HECTD4: variants seen among roughly 807,000 people sequenced by gnomAD.
HECTD4 encodes HECT domain E3 ubiquitin protein ligase 4.
Under a neutral mutation model 471.5 loss-of-function variants are expected in HECTD4, and 114 were observed. The ratio of observed to expected loss-of-function variants is 0.24; its 90% confidence interval spans 0.21 to 0.28. HECTD4 has a LOEUF of 0.28. Among genes scored for constraint, HECTD4 ranks in the 10% least tolerant of loss-of-function variants. The pLI is 1.00. For synonymous variants in HECTD4, 2,012 were observed against 2,256.0 expected, an observed-to-expected ratio of 0.89 and a Z score of 3.07; for missense variants, 3,866 against 5,651.5, an observed-to-expected ratio of 0.68 and a Z score of 10.13.
chr12:112,345,970 A>C (rs2135731475), intron 1 of HECTD4, among the ~76,000 whole-genome samples: 1 of 152,346 alleles, frequency 6.6e-6, no homozygotes, highest in South Asian at 2.1e-4. Context: ...ATGGCTCAAG[A>C]ACTCACAGGA....
intron 1 of HECTD4, among the ~76,000 whole-genome samples, chr12:112,348,803 A>G (rs1260935687): frequency 1.3e-5 from 2 of 152,158 alleles, no homozygotes; most frequent in African/African-American, 4.8e-5. Flanking sequence ...ATAAATAAAT[A>G]AAAGTGCATG....
intron 2 of HECTD4, among the ~76,000 whole-genome samples, chr12:112,317,218 T>C (rs1339609934): frequency 6.6e-6 from 1 of 152,240 alleles, no homozygotes; most frequent in African/African-American, 2.4e-5. Context: ...GGAAACTTGT[T>C]TCAGTACCAC....
chr12:112,173,490 C>T lies in HECTD4; in HGVS notation c.11595-629G>A, dbSNP rs753342454. ...CTGCAAGCTCTGCCTCCTGGGTTCA[C>T]GCCATTCTTCTGCCTCAGCCTCCTG... On this transcript the variant is annotated intron_variant, in intron 66 of 75. Coordinates refer to ENST00000682272, the MANE Select transcript of HECTD4 (RefSeq NM_001388303.1). This position sits in a 1 kb window ranked among gnomAD's most constrained non-coding sequence, Gnocchi z 4.3. Among the ~76,000 whole-genome samples, 16 of 151,724 alleles carry T rather than the reference C, an allele frequency of 1.1e-4. No individual in the cohort carries two copies. The highest frequency in any genetic ancestry group is 1.9e-4 in the East Asian group (1 of 5,152).
chr12:112,323,815 C>T (rs1050030489), intron 1 of HECTD4, among the ~76,000 whole-genome samples: 2 of 151,310 alleles, frequency 1.3e-5, no homozygotes, highest in African/African-American at 4.9e-5. Flanking sequence ...GACTGTATAA[C>T]TTTAAAGATT....
At chr12:112,346,096 C>T (rs990112124) in intron 1 of HECTD4, among the ~76,000 whole-genome samples, 14 of 152,174 alleles carry the variant, frequency 9.2e-5, no homozygotes, top group African/African-American at 3.1e-4. Context: ...CTAAGGAGTG[C>T]GACTGCCCCA....
intron 1 of HECTD4, among the ~76,000 whole-genome samples, chr12:112,331,545 C>T (rs2035844695): frequency 2.6e-5 from 4 of 152,190 alleles, no homozygotes; most frequent in Admixed American, 6.5e-5. Context: ...GAGGGTAGCA[C>T]CTCCCTTCAT....
intron 38 of HECTD4, 131 bp from the exon 39 acceptor site, chr12:112,231,846 T>C: frequency 1.3e-6 from 1 of 755,160 alleles, no homozygotes; most frequent in Non-Finnish European, 2.1e-6. Context: ...TAAAATATTA[T>C]ATGTAGAGTA....
intron 1 of HECTD4, among the ~76,000 whole-genome samples, chr12:112,329,583 G>C (rs1173323571): frequency 6.6e-6 from 1 of 152,086 alleles, no homozygotes. Flanking sequence ...GGCCAGGCTG[G>C]TCTCGAATTC....
intron 47 of HECTD4, among the ~76,000 whole-genome samples, 176 bp from the exon 48 acceptor site, chr12:112,216,547 T>C (rs2032922865): frequency 6.6e-6 from 1 of 152,164 alleles, no homozygotes; most frequent in Non-Finnish European, 1.5e-5. Context: ...ATTCCTAGAA[T>C]AAAGGGTTAT....
At chr12:112,359,576 G>A (rs1451148250) in intron 1 of HECTD4, among the ~76,000 whole-genome samples, 1 of 152,204 alleles carries the variant, frequency 6.6e-6, no homozygotes, top group East Asian at 1.9e-4. Context: ...CTGCCACCAT[G>A]TCCAGCTACT....
At chr12:112,253,323 T>C (rs1382796514) in intron 22 of HECTD4, among the ~76,000 whole-genome samples, 4 of 149,990 alleles carry the variant, frequency 2.7e-5, no homozygotes, top group African/African-American at 9.8e-5. Context: ...CAGGGTTTCA[T>C]CATGTTGGCC....
intron 59 of HECTD4, among the ~76,000 whole-genome samples, chr12:112,191,539 GC>G (rs978455642): frequency 3.3e-5 from 5 of 152,162 alleles, no homozygotes; most frequent in Non-Finnish European, 5.9e-5. Flanking sequence ...ATCCTGCACT[GC>G]CCCTGAAGCC....
Position 112,193,556 on chromosome 12 carries a change from C to T in HECTD4, c.8868G>A (p.Glu2956=). 6.2e-7 allele frequency: 1 copy of T among 1,613,096 alleles called. No homozygotes were observed. Among genetic ancestry groups the T allele is most frequent in the South Asian group, 1.1e-5 (1 of 90,724 alleles). The change falls in exon 57 of 76, where the codon GAG becomes GAA. Residue 2956 remains glutamate (E), a synonymous_variant. Coordinates refer to ENST00000682272, the MANE Select transcript of HECTD4 (RefSeq NM_001388303.1). This position sits in a 1 kb window ranked among gnomAD's most constrained non-coding sequence, Gnocchi z 5.2. Reference sequence around the variant, plus strand: ...TCCGGGTGATGGCCACGTTGAGCCACTCTCTCACTGTCTGGGAGTTGCCCT... The same window carrying T: ...TCCGGGTGATGGCCACGTTGAGCCATTCTCTCACTGTCTGGGAGTTGCCCT... ...FYQGNSQTVR[E]WLNVAITRTL... is the part of the protein sequence containing the mutation.
intron 20 of HECTD4, among the ~76,000 whole-genome samples, chr12:112,257,054 T>C (rs899833102): frequency 6.6e-6 from 1 of 152,232 alleles, no homozygotes; most frequent in Admixed American, 6.5e-5. Context: ...TCTTACCTAC[T>C]GTAATTGAAC....
chr12:112,163,996 C>A lies in HECTD4; in HGVS notation c.12701+113G>T. 1 of 1,165,662 alleles carries A rather than the reference C, an allele frequency of 8.6e-7. No homozygotes were observed. Among genetic ancestry groups the A allele is most frequent in the Non-Finnish European group, 1.1e-6 (1 of 881,334 alleles). The allele number at this position is 1,165,662 out of a possible 1,614,324, so 72.2% of individuals were successfully genotyped here. On this transcript the variant is annotated intron_variant, in intron 73 of 75. Transcript: ENST00000682272. This position sits in a 1 kb window ranked among gnomAD's most constrained non-coding sequence, Gnocchi z 8.2. ...ATCTCCCTCTCCTGGTGAAATCCACCTGTCACCTGACCTAGGTCCTCGTGT... is the reference window on the plus strand; with the variant it reads ...ATCTCCCTCTCCTGGTGAAATCCACATGTCACCTGACCTAGGTCCTCGTGT...
rs2033475915 is a variant in HECTD4, at chr12:112,235,343, GT to G, written c.5726-78del. The G allele has an allele frequency of 5.9e-6, 9 of 1,519,324 alleles. No homozygotes were observed. Among genetic ancestry groups the G allele is most frequent in the Non-Finnish European group, 8.0e-6 (9 of 1,124,238 alleles). 94.1% of individuals were successfully genotyped at this position (1,519,324 alleles called of 1,614,324 possible). On this transcript the variant is annotated intron_variant, in intron 36 of 75. Coordinates refer to ENST00000682272, the MANE Select transcript of HECTD4 (RefSeq NM_001388303.1). This position sits in a 1 kb window ranked among gnomAD's most constrained non-coding sequence, Gnocchi z 5.0. ...GGCTCTGCTAAAATGAAAAATAATG[GT>G]TTGGGATTTGGAATCTTTCTTCCCC...
At chr12:112,230,905 G>A (rs2033363085) in intron 39 of HECTD4, 83 bp from the exon 40 acceptor site, 3 of 1,311,422 alleles carry the variant, frequency 2.3e-6, no homozygotes, top group Non-Finnish European at 3.1e-6. Flanking sequence ...TAGCATCAGA[G>A]GAAAACCTTT....
chr12:112,250,463 T>C (rs2033856187), intron 24 of HECTD4, 86 bp from the exon 25 acceptor site: 9 of 919,628 alleles, frequency 9.8e-6, no homozygotes, highest in African/African-American at 4.9e-5. Context: ...ACATCAAACA[T>C]ATGAAGGATC....
chr12:112,293,941 C>T (rs888455728), intron 7 of HECTD4, among the ~76,000 whole-genome samples: 6 of 152,026 alleles, frequency 3.9e-5, no homozygotes, highest in Non-Finnish European at 8.8e-5. Flanking sequence ...ACTCTGTCAC[C>T]CAGGCTGGAG....
Sources: gnomAD v4.1 joint callset for allele counts (sites outside exome capture counted in the v4.1 genomes callset) on GRCh38, gnomAD v4.1.1 for gene constraint, Gnocchi (gnomAD v3.1) non-coding constraint, MANE v1.5 for transcripts, NCBI Gene and HGNC (gene_info 2026-07-23, HGNC 2026-07-21) for gene names.